SLC24A3: variants seen among roughly 807,000 people sequenced by gnomAD.
The protein encoded by SLC24A3 is solute carrier family 24 member 3.
SLC24A3 carries 28 observed loss-of-function variants against 75.8 expected under a neutral mutation model. That is an observed-to-expected ratio of 0.37 (90% CI 0.27 to 0.51). The LOEUF (loss-of-function observed/expected upper bound fraction) is 0.51. SLC24A3 is among the 20% of genes least tolerant of loss of function. The pLI is 0.94. For missense variants in SLC24A3, 663 were observed against 847.8 expected (o/e 0.78, Z 2.71); for synonymous variants, 372 against 334.1 (o/e 1.11, Z -1.24).
intron 3 of SLC24A3, among the ~76,000 whole-genome samples, chr20:19,578,407 T>C (rs1250902195): frequency 1.3e-5 from 2 of 152,004 alleles, no homozygotes; most frequent in Non-Finnish European, 2.9e-5. Flanking sequence ...GGGAGCAGCA[T>C]TCTTCTCAGG....
In SLC24A3 at chr20:19,610,467, G is replaced by T. The variant is rs1038134937; in HGVS notation, c.612+24923G>T. ...TGCCTGCCATGCCTCTTGAGGGATA[G>T]CCACAGAGGGGATTGACAAGAATCT... is the stretch of plus-strand genomic sequence containing the variant. On this transcript the variant is annotated intron_variant, in intron 6 of 16. Transcript: ENST00000328041. 2.6e-5 allele frequency among the ~76,000 whole-genome samples: 4 copies of T among 152,348 alleles called. No homozygotes were observed. The East Asian group carries it at 7.7e-4, about 29-fold the overall frequency.
At chr20:19,226,921 G>A (rs1306094160) in intron 1 of SLC24A3, among the ~76,000 whole-genome samples, 1 of 152,092 alleles carries the variant, frequency 6.6e-6, no homozygotes, top group African/African-American at 2.4e-5. Context: ...GATTTTCCAT[G>A]CCTTCACTTT....
chr20:19,500,017 G>T (rs1988361848), intron 2 of SLC24A3, among the ~76,000 whole-genome samples: 1 of 152,144 alleles, frequency 6.6e-6, no homozygotes, highest in Non-Finnish European at 1.5e-5. Context: ...GCCAGCTGAA[G>T]AACGACATGG....
At chr20:19,497,236 T>C (rs757737418) in intron 2 of SLC24A3, among the ~76,000 whole-genome samples, 3 of 152,196 alleles carry the variant, frequency 2.0e-5, no homozygotes, top group Non-Finnish European at 2.9e-5. Flanking sequence ...GAGACACAAG[T>C]AGACATTTCC....
At chr20:19,496,756 C>T (rs1290023492) in intron 2 of SLC24A3, among the ~76,000 whole-genome samples, 1 of 152,008 alleles carries the variant, frequency 6.6e-6, no homozygotes. Flanking sequence ...ACAACCGAGC[C>T]CTGGGTGCTG....
intron 2 of SLC24A3, among the ~76,000 whole-genome samples, chr20:19,453,547 A>G (rs562616512): frequency 2.0e-5 from 3 of 152,328 alleles, no homozygotes; most frequent in East Asian, 3.9e-4. Context: ...TTCTGGCCTC[A>G]GGAGGAAATT....
intron 3 of SLC24A3, among the ~76,000 whole-genome samples, chr20:19,541,520 G>T (rs2030497231): frequency 6.6e-6 from 1 of 152,184 alleles, no homozygotes; most frequent in African/African-American, 2.4e-5. Flanking sequence ...GAAGGGGATT[G>T]GTGTAGTCTA....
intron 3 of SLC24A3, among the ~76,000 whole-genome samples, chr20:19,521,948 A>C (rs2030106821): frequency 6.6e-6 from 1 of 151,492 alleles, no homozygotes; most frequent in Non-Finnish European, 1.5e-5. Context: ...TCTTTCAAGG[A>C]TGTCTTTTCA....
chr20:19,542,910 G>A (rs2030525799), intron 3 of SLC24A3, among the ~76,000 whole-genome samples: 1 of 152,196 alleles, frequency 6.6e-6, no homozygotes, highest in African/African-American at 2.4e-5. Flanking sequence ...AGTGACCTAG[G>A]GAGGGTTACT....
chr20:19,448,796 A>G (rs911024516), intron 2 of SLC24A3, among the ~76,000 whole-genome samples: 1 of 152,226 alleles, frequency 6.6e-6, no homozygotes, highest in African/African-American at 2.4e-5. Context: ...AGTCAATGAG[A>G]CAAACCATGC....
intron 2 of SLC24A3, among the ~76,000 whole-genome samples, chr20:19,437,069 C>T (rs1014652125): frequency 2.0e-5 from 3 of 152,094 alleles, no homozygotes; most frequent in African/African-American, 4.8e-5. Flanking sequence ...GTTGGAGGAG[C>T]AGTGAAATGG....
intron 2 of SLC24A3, among the ~76,000 whole-genome samples, chr20:19,414,428 C>G (rs897601561): frequency 1.3e-5 from 2 of 152,100 alleles, no homozygotes; most frequent in East Asian, 1.9e-4. Flanking sequence ...GAGAATGGCT[C>G]AATGAATATG....
At chr20:19,534,851 T>TTC (rs2030368003) in intron 3 of SLC24A3, among the ~76,000 whole-genome samples, 1 of 152,238 alleles carries the variant, frequency 6.6e-6, no homozygotes, top group Non-Finnish European at 1.5e-5. Flanking sequence ...CCAAACTGTT[T>TTC]TCTCAGGACA....
chr20:19,352,811 G>C (rs1985600823), intron 2 of SLC24A3, among the ~76,000 whole-genome samples: 1 of 152,084 alleles, frequency 6.6e-6, no homozygotes, highest in Non-Finnish European at 1.5e-5. Context: ...CATCACTCAG[G>C]GCTATTTGCT....
intron 2 of SLC24A3, among the ~76,000 whole-genome samples, chr20:19,323,935 A>T (rs2122281068): frequency 6.6e-6 from 1 of 152,326 alleles, no homozygotes; most frequent in South Asian, 2.1e-4. Flanking sequence ...AGTCTGCTAA[A>T]TTAAGAATAT....
At chr20:19,611,044 G>A (rs2031664852) in intron 6 of SLC24A3, among the ~76,000 whole-genome samples, 1 of 152,232 alleles carries the variant, frequency 6.6e-6, no homozygotes, top group Non-Finnish European at 1.5e-5. Flanking sequence ...CTACACTCAG[G>A]TAGGAAGATG....
chr20:19,630,160 T>A (rs2031916503), intron 6 of SLC24A3, among the ~76,000 whole-genome samples: 1 of 152,224 alleles, frequency 6.6e-6, no homozygotes, highest in Non-Finnish European at 1.5e-5. Context: ...CTATGGCTAT[T>A]CTCATAAGAG....
intron 2 of SLC24A3, among the ~76,000 whole-genome samples, chr20:19,391,361 G>A (rs1986362295): frequency 6.6e-6 from 1 of 152,144 alleles, no homozygotes; most frequent in South Asian, 2.1e-4. Context: ...TGTGAGTCTA[G>A]ATGTGTGTTA....
intron 15 of SLC24A3, among the ~76,000 whole-genome samples, chr20:19,701,711 A>G (rs2032876074): frequency 6.6e-6 from 1 of 152,034 alleles, no homozygotes; most frequent in Non-Finnish European, 1.5e-5. Flanking sequence ...TTCCCCATTG[A>G]CCTCTTATCA....
Sources: gnomAD v4.1 joint callset for allele counts (sites outside exome capture counted in the v4.1 genomes callset) on GRCh38, gnomAD v4.1.1 for gene constraint, MANE v1.5 for transcripts, NCBI Gene and HGNC (gene_info 2026-07-23, HGNC 2026-07-21) for gene names.